VPS4B: variants seen among roughly 807,000 people sequenced by gnomAD.
VPS4B encodes the protein vacuolar protein sorting 4 homolog B.
A neutral mutation model predicts 56.1 loss-of-function variants in VPS4B; 23 were observed. The ratio of observed to expected loss-of-function variants is 0.41; its 90% confidence interval spans 0.30 to 0.58. The LOEUF is 0.58. VPS4B is among the 20% of genes least tolerant of loss of function. VPS4B has a pLI of 0.29. For synonymous variants in VPS4B, 177 were observed against 186.0 expected (o/e 0.95, Z 0.39); for missense variants, 372 against 531.9 (o/e 0.70, Z 2.96).
chr18:63,404,405 T>C (rs1164291050), intron 4 of VPS4B: 2 of 152,156 alleles, frequency 1.3e-5, no homozygotes, highest in African/African-American at 2.4e-5. Flanking sequence ...CGAGAAAAGA[T>C]ACCCCTGCAG....
intron 8 of VPS4B, among the ~76,000 whole-genome samples, chr18:63,397,915 C>T (rs188529664): frequency 6.6e-5 from 10 of 152,172 alleles, no homozygotes; most frequent in Admixed American, 2.0e-4. Context: ...CAGAATAAGG[C>T]AATTTTTCAA....
chr18:63,403,925 T>C, intron 4 of VPS4B, 99 bp from the exon 5 acceptor site: 4 of 1,389,060 alleles, frequency 2.9e-6, no homozygotes, highest in Non-Finnish European at 3.8e-6. Context: ...ATTATAAAAT[T>C]GGGAAAGTTT....
Position 63,403,802 on chromosome 18 carries a change from T to C in VPS4B, c.389A>G (p.Asn130Ser), listed in dbSNP as rs1367720947. 2 of 1,613,058 alleles carry C rather than the reference T, an allele frequency of 1.2e-6. No homozygotes were observed. The highest frequency in any genetic ancestry group is 3.3e-5 in the Admixed American group (2 of 59,910). Reference protein sequence around the residue: ...LQGAIVIERPNVKWSDVAGLE... With the variant: ...LQGAIVIERPSVKWSDVAGLE... ...TCCAGCAACGTCACTCCATTTCACA[T>C]TTGGTCGTTCTATAACAATGGCACC... The change falls in exon 5 of 11, where the codon AAT (asparagine) becomes AGT (serine). Residue 130 changes from asparagine (N) to serine (S), a missense_variant. Asn to Ser is a conservative substitution (Grantham distance 46). Transcript: ENST00000238497.
At chr18:63,404,867 A>T (rs1381183126) in intron 4 of VPS4B, among the ~76,000 whole-genome samples, 3 of 152,192 alleles carry the variant, frequency 2.0e-5, no homozygotes, top group African/African-American at 7.2e-5. Flanking sequence ...ATCTTTAGCT[A>T]CTAGATTAAA....
At chr18:63,396,390 C>A (rs1047015207) in intron 9 of VPS4B, 24 of 152,514 alleles carry the variant, frequency 1.6e-4, no homozygotes, top group African/African-American at 5.5e-4. Flanking sequence ...GTAGCTGGGA[C>A]TACAGGAGTG....
intron 5 of VPS4B, 126 bp downstream of exon 5, chr18:63,403,581 A>G: frequency 9.6e-7 from 1 of 1,046,820 alleles, no homozygotes; most frequent in Non-Finnish European, 1.3e-6. Flanking sequence ...AAGATATATC[A>G]CCACCTTTTA....
chr18:63,393,244 T>A (rs1191618367), intron 10 of VPS4B, among the ~76,000 whole-genome samples, 165 bp downstream of exon 10: 1 of 152,226 alleles, frequency 6.6e-6, no homozygotes, highest in African/African-American at 2.4e-5. Context: ...AAATAATGAC[T>A]TTTTATATTT....
chr18:63,395,311 C>G (rs1915645580), intron 9 of VPS4B, among the ~76,000 whole-genome samples: 1 of 152,178 alleles, frequency 6.6e-6, no homozygotes, highest in Non-Finnish European at 1.5e-5. Flanking sequence ...ATAAACTTAA[C>G]AGTACTTCAG....
intron 1 of VPS4B, among the ~76,000 whole-genome samples, chr18:63,412,036 G>A (rs796395547): frequency 1.3e-5 from 2 of 152,236 alleles, no homozygotes; most frequent in African/African-American, 4.8e-5. Context: ...AAGCAATGGG[G>A]CAATGAAATA....
rs1221724147 is a variant in VPS4B at position 63,410,331 on chromosome 18, C to T, written c.255G>A (p.Lys85=). 1 of 1,614,086 alleles carries T rather than the reference C, an allele frequency of 6.2e-7. No individual in the cohort carries two copies. Among genetic ancestry groups the T allele is most frequent in the Admixed American group, 1.7e-5 (1 of 60,020 alleles). The change falls in exon 3 of 11, where the codon AAG becomes AAA. Residue 85 remains lysine, a synonymous_variant. Transcript: ENST00000238497. ...GACTCGGCTGTCCTTCTTTCACTGG[C>T]TTCTGTGCTTTTTTCTCTTTATTTT... ...YLKNKEKKAQ[K]PVKEGQPSPA...
intron 4 of VPS4B, among the ~76,000 whole-genome samples, chr18:63,404,977 T>C (rs1174243935): frequency 2.0e-5 from 3 of 152,140 alleles, no homozygotes; most frequent in Non-Finnish European, 4.4e-5. Context: ...TTCATTAAGA[T>C]TAGTAATCCT....
Position 63,393,417 on chromosome 18 carries a change from C to A in VPS4B, c.1225G>T (p.Val409Phe). ...CAAACAAAATTTCAAACCATGGAAACAACTGGCTCCAAAAGTTTATCTCCA... is the reference window on the plus strand; with the variant it reads ...CAAACAAAATTTCAAACCATGGAAAAAACTGGCTCCAAAAGTTTATCTCCA... ...VPGDKLLEPV[V>F]SMSDMLRSLS... Residue 409 changes from valine to phenylalanine, a missense_variant, in exon 10 of 11, where the codon GTT (valine) becomes TTT (phenylalanine). Around this residue, in one of 3 missense-constraint regions of VPS4B, gnomAD observed 153 missense variants for 190.9 expected, o/e 0.80. Coordinates refer to ENST00000238497, the MANE Select transcript of VPS4B (RefSeq NM_004869.4). The A allele has an allele frequency of 6.3e-7, 1 of 1,593,088 alleles. No individual in the cohort carries two copies. The highest frequency in any genetic ancestry group is 8.5e-7 in the Non-Finnish European group (1 of 1,172,604).
At chr18:63,408,033 T>G (rs1449114314) in intron 3 of VPS4B, among the ~76,000 whole-genome samples, 1 of 152,218 alleles carries the variant, frequency 6.6e-6, no homozygotes. Flanking sequence ...AGGCATTTCA[T>G]TCATATCTAG....
intron 1 of VPS4B, among the ~76,000 whole-genome samples, chr18:63,417,225 T>C (rs1344233339): frequency 1.3e-5 from 2 of 152,218 alleles, no homozygotes; most frequent in Non-Finnish European, 2.9e-5. Context: ...TAAAAAGTCT[T>C]ATTTGACAAA....
chr18:63,401,016 AG>A (rs968080123), intron 5 of VPS4B, among the ~76,000 whole-genome samples: 52 of 152,362 alleles, frequency 3.4e-4, no homozygotes, highest in African/African-American at 1.3e-3. Context: ...GGAGTCTAGT[AG>A]GGGAAAAGAG....
chr18:63,414,979 T>C (rs1393857432), intron 1 of VPS4B, among the ~76,000 whole-genome samples: 1 of 152,262 alleles, frequency 6.6e-6, no homozygotes, highest in Non-Finnish European at 1.5e-5. Flanking sequence ...ATATGGCTTC[T>C]GAGCACTTGA....
intron 8 of VPS4B, among the ~76,000 whole-genome samples, chr18:63,398,223 ATTTT>A (rs869086603): frequency 0.014 from 618 of 45,734 alleles, 20 homozygotes; most frequent in African/African-American, 0.041. Flanking sequence ...ATATATATAT[ATTTT>A]TTTTTGAGAT....
intron 8 of VPS4B, among the ~76,000 whole-genome samples, chr18:63,398,588 A>G (rs890658365): frequency 1.3e-5 from 2 of 151,958 alleles, no homozygotes; most frequent in Non-Finnish European, 2.9e-5. Flanking sequence ...CTGTAATTCC[A>G]GCACTCTCGG....
intron 1 of VPS4B, among the ~76,000 whole-genome samples, chr18:63,418,404 CTAGTTT>C (rs1430187920): frequency 6.6e-6 from 1 of 151,888 alleles, no homozygotes; most frequent in Non-Finnish European, 1.5e-5. Context: ...CCATTTTCTT[CTAGTTT>C]TAGTATTTTT....
Sources: allele counts gnomAD v4.1 joint callset (sites outside exome capture counted in the v4.1 genomes callset), GRCh38; gene constraint gnomAD v4.1.1; regional missense constraint gnomAD v4.1.1; transcripts MANE v1.5; gene names NCBI Gene and HGNC (gene_info 2026-07-23, HGNC 2026-07-21).